CACNA1E: variants seen among roughly 807,000 people sequenced by gnomAD.
CACNA1E encodes calcium voltage-gated channel subunit alpha1 E.
A neutral mutation model predicts 259.2 loss-of-function variants in CACNA1E; 40 were observed. That is an observed-to-expected ratio of 0.15 (90% confidence interval 0.12 to 0.20). CACNA1E has a LOEUF of 0.20. Among genes scored for constraint, CACNA1E ranks in the 10% least tolerant of loss-of-function variants. The pLI, the probability that CACNA1E is intolerant of heterozygous loss-of-function variation, is 1.00. For missense variants in CACNA1E, 1,874 were observed against 3,040.1 expected (o/e 0.62, Z 9.02); for synonymous variants, 1,104 against 1,138.5 (o/e 0.97, Z 0.61).
chr1:181,716,984 C>A, intron 10 of CACNA1E, 109 bp from the exon 11 acceptor site: 1 of 818,524 alleles, frequency 1.2e-6, no homozygotes, highest in Non-Finnish European at 2.0e-6. Flanking sequence ...TGCAATGTGG[C>A]AGTCACCTTG....
intron 1 of CACNA1E, among the ~76,000 whole-genome samples, chr1:181,338,229 G>A (rs1383775691): frequency 6.6e-6 from 1 of 152,166 alleles, no homozygotes; most frequent in African/African-American, 2.4e-5. Context: ...GGGATTACAG[G>A]TGTGCGCCAC....
chr1:181,750,636 C>T, intron 26 of CACNA1E, 149 bp downstream of exon 26: 1 of 726,304 alleles, frequency 1.4e-6, no homozygotes, highest in East Asian at 2.7e-5. Context: ...TAGGAGTCAC[C>T]AAGCCTTCTT....
At chr1:181,423,075 C>A (rs941393984) in intron 2 of CACNA1E, among the ~76,000 whole-genome samples, 2 of 152,174 alleles carry the variant, frequency 1.3e-5, no homozygotes, top group African/African-American at 2.4e-5. Context: ...AGGTTCATAT[C>A]CAAATTACGT....
At chr1:181,536,440 G>A (rs192759621) in intron 3 of CACNA1E, among the ~76,000 whole-genome samples, 50 of 152,110 alleles carry the variant, frequency 3.3e-4, no homozygotes, top group Middle Eastern at 3.4e-3. Flanking sequence ...TTCAGTTATC[G>A]AAATGTTCAA....
chr1:181,498,357 TTTTC>T (rs1290226768), intron 1 of CACNA1E, among the ~76,000 whole-genome samples: 1 of 152,218 alleles, frequency 6.6e-6, no homozygotes, highest in Non-Finnish European at 1.5e-5. Flanking sequence ...AGATTCTAGC[TTTTC>T]TTTAACTCTG....
At chr1:181,695,241 T>C (rs1651581369) in intron 7 of CACNA1E, among the ~76,000 whole-genome samples, 1 of 152,154 alleles carries the variant, frequency 6.6e-6, no homozygotes, top group Admixed American at 6.5e-5. Context: ...TTTTGAAAAA[T>C]GGAGAGACAT....
intron 2 of CACNA1E, among the ~76,000 whole-genome samples, chr1:181,460,204 G>A (rs1331977098): frequency 1.3e-5 from 2 of 152,160 alleles, no homozygotes; most frequent in Non-Finnish European, 2.9e-5. Flanking sequence ...ATACTGAACT[G>A]GAGAATGATA....
At chr1:181,794,807 A>G in intron 45 of CACNA1E, 57 bp from the exon 46 acceptor site, 2 of 1,495,964 alleles carry the variant, frequency 1.3e-6, no homozygotes, top group East Asian at 2.3e-5. Flanking sequence ...CTGTCCTTTT[A>G]GATCTTTTCA....
chr1:181,722,683 C>A (rs1212018704), intron 16 of CACNA1E, among the ~76,000 whole-genome samples: 1 of 152,196 alleles, frequency 6.6e-6, no homozygotes, highest in Non-Finnish European at 1.5e-5. Flanking sequence ...TTACAAACTT[C>A]TATACAACTG....
At chr1:181,662,626 T>C (rs1647799726) in intron 7 of CACNA1E, among the ~76,000 whole-genome samples, 1 of 152,230 alleles carries the variant, frequency 6.6e-6, no homozygotes, top group African/African-American at 2.4e-5. Context: ...AAGTGTTTAA[T>C]ACCTGGGTGA....
chr1:181,375,205 A>G (rs1406185642), intron 1 of CACNA1E, among the ~76,000 whole-genome samples: 3 of 152,214 alleles, frequency 2.0e-5, no homozygotes, highest in Non-Finnish European at 2.9e-5. Flanking sequence ...TAGACACTGA[A>G]GTTGGGGAGA....
intron 2 of CACNA1E, among the ~76,000 whole-genome samples, chr1:181,442,528 G>A (rs535237392): frequency 5.9e-5 from 9 of 152,236 alleles, no homozygotes; most frequent in Admixed American, 2.6e-4. Context: ...TTGTTCTTGC[G>A]CCTTCTCTTT....
At chr1:181,351,232 G>A (rs1653020469) in intron 1 of CACNA1E, among the ~76,000 whole-genome samples, 1 of 152,180 alleles carries the variant, frequency 6.6e-6, no homozygotes, top group African/African-American at 2.4e-5. Flanking sequence ...ATCCAGGCAG[G>A]ATAGGTGGCT....
At chr1:181,563,621 T>G (rs1441113021) in intron 3 of CACNA1E, among the ~76,000 whole-genome samples, 1 of 152,130 alleles carries the variant, frequency 6.6e-6, no homozygotes, top group Non-Finnish European at 1.5e-5. Context: ...AGTGAGTAAA[T>G]TTTTCAGTCT....
chr1:181,437,537 T>C (rs947696801), intron 2 of CACNA1E, among the ~76,000 whole-genome samples: 1 of 152,216 alleles, frequency 6.6e-6, no homozygotes, highest in African/African-American at 2.4e-5. Context: ...AAAACTGCTC[T>C]TGTTCAGGTC....
rs1657657425 is a variant in CACNA1E at position 181,752,215 on chromosome 1, C to A, written c.3804C>A (p.Thr1268=). The A allele has an allele frequency of 1.2e-6, 2 of 1,613,572 alleles. No individual in the cohort carries two copies. The highest frequency in any genetic ancestry group is 1.7e-6 in the Non-Finnish European group (2 of 1,179,470). Residue 1268 remains threonine (T), a synonymous_variant, in exon 27 of 48, where the codon ACC becomes ACA. Transcript: ENST00000367573. ...RVLRVLRPLK[T]IKRLPKLKAV... ...TCCGAGTTCTAAGGCCACTGAAAAC[C>A]ATCAAGCGCTTGCCCAAGCTCAAGG...
chr1:181,437,861 T>G (rs879033737), intron 2 of CACNA1E, among the ~76,000 whole-genome samples: 2 of 152,152 alleles, frequency 1.3e-5, no homozygotes, highest in Admixed American at 1.3e-4. Flanking sequence ...TGTAAATGAC[T>G]CCCACATTTA....
intron 3 of CACNA1E, among the ~76,000 whole-genome samples, chr1:181,539,555 G>A (rs538150327): frequency 3.1e-4 from 47 of 152,178 alleles, no homozygotes; most frequent in Middle Eastern, 3.4e-3. Context: ...TATTATTCCC[G>A]GTCTGCTTAC....
intron 2 of CACNA1E, among the ~76,000 whole-genome samples, chr1:181,425,518 T>C (rs1224865380): frequency 1.3e-5 from 2 of 148,256 alleles, no homozygotes; most frequent in Admixed American, 1.3e-4. Flanking sequence ...ATGAAATTGC[T>C]GTACACCCCC....
Sources: gnomAD v4.1 joint callset for allele counts (sites outside exome capture counted in the v4.1 genomes callset) on GRCh38, gnomAD v4.1.1 for gene constraint, MANE v1.5 for transcripts, NCBI Gene and HGNC (gene_info 2026-07-23, HGNC 2026-07-21) for gene names.